GPHN: variants seen among roughly 807,000 people sequenced by gnomAD.
The protein encoded by GPHN is gephyrin.
In GPHN, 17 loss-of-function variants were observed where a neutral mutation model predicts 95.5. That is an observed-to-expected ratio of 0.18 (90% CI 0.12 to 0.27). The LOEUF is 0.27. GPHN is among the 10% of genes least tolerant of loss of function. GPHN has a pLI of 1.00. For synonymous variants in GPHN, 320 were observed against 322.5 expected (o/e 0.99, Z 0.08); for missense variants, 660 against 978.1 (o/e 0.67, Z 4.34).
intron 1 of GPHN, chr14:66,509,433 T>C (rs2057945492): frequency 6.6e-6 from 1 of 152,116 alleles, no homozygotes; most frequent in South Asian, 2.1e-4. Flanking sequence ...GGGTCGCGTT[T>C]CCCTCCCTCG....
chr14:67,514,520 C>T, the GPHN span, among the ~76,000 whole-genome samples: 2 of 152,118 alleles, frequency 1.3e-5, no homozygotes, highest in African/African-American at 4.8e-5. Flanking sequence ...TGGGGTCCAT[C>T]ACCCAGTTTT....
At chr14:67,580,319 AG>A in the GPHN span, 1 of 169,960 alleles carries the variant, frequency 5.9e-6, no homozygotes, top group South Asian at 1.6e-4. Context: ...ACACTTTTAA[AG>A]AGGCAGGTCC....
chr14:67,287,205 C>T, the GPHN span, among the ~76,000 whole-genome samples: 7 of 151,646 alleles, frequency 4.6e-5, no homozygotes, highest in Non-Finnish European at 7.4e-5. Flanking sequence ...GGTGACAGAG[C>T]GAAACCCTAT....
At chr14:67,093,622 A>C (rs1344579516) in intron 12 of GPHN, among the ~76,000 whole-genome samples, 3 of 152,146 alleles carry the variant, frequency 2.0e-5, no homozygotes, top group Admixed American at 2.0e-4. Context: ...TCTGAAAATA[A>C]TGCCTTCTTT....
At chr14:67,083,886 C>A (rs764682273) in intron 11 of GPHN, among the ~76,000 whole-genome samples, 4 of 152,048 alleles carry the variant, frequency 2.6e-5, no homozygotes, top group Non-Finnish European at 5.9e-5. Context: ...CCTCTTTGAT[C>A]GAAGCTGGTT....
At chr14:67,461,797 G>A in the GPHN span, among the ~76,000 whole-genome samples, 1 of 152,358 alleles carries the variant, frequency 6.6e-6, no homozygotes, top group South Asian at 2.1e-4. Context: ...GAGATCCTGG[G>A]AGAACAGATT....
At chr14:66,852,519 T>G (rs2062631547) in intron 4 of GPHN, among the ~76,000 whole-genome samples, 1 of 152,210 alleles carries the variant, frequency 6.6e-6, no homozygotes, top group Admixed American at 6.5e-5. Context: ...TTAAGCAGAA[T>G]GAACTTAGTT....
chr14:66,869,583 C>G (rs1358605369), intron 4 of GPHN, among the ~76,000 whole-genome samples: 2 of 152,166 alleles, frequency 1.3e-5, no homozygotes, highest in East Asian at 3.9e-4. Flanking sequence ...CATCTGGGTT[C>G]TTGCTCTCCA....
At chr14:66,956,068 T>C (rs961619266) in intron 8 of GPHN, among the ~76,000 whole-genome samples, 19 of 152,246 alleles carry the variant, frequency 1.2e-4, no homozygotes, top group African/African-American at 4.6e-4. Context: ...TCAATGTTTT[T>C]GTGTTCTCTA....
rs74551963 is a variant in GPHN at position 66,982,313 on chromosome 14, G to A, written c.963+16988G>A. 3.2e-3 allele frequency among the ~76,000 whole-genome samples: 485 copies of A among 152,010 alleles called. 2 individuals carry two copies. The highest frequency in any genetic ancestry group is 0.011 in the African/African-American group (459 of 41,468). On this transcript the variant is annotated intron_variant, in intron 9 of 22. Transcript: ENST00000478722. ...CATCACATATTAGTTTAGGATCCAG[G>A]CAATTTCTTTTGTTGCATAATATTA...
chr14:66,664,942 C>T (rs995363195), intron 1 of GPHN, among the ~76,000 whole-genome samples: 44 of 142,802 alleles, frequency 3.1e-4, no homozygotes, highest in African/African-American at 1.1e-3. Flanking sequence ...CCTGAACAGA[C>T]CAATAACAAG....
chr14:67,716,873 G>T, the GPHN span, among the ~76,000 whole-genome samples: 1 of 144,004 alleles, frequency 6.9e-6, no homozygotes. Context: ...GACAGAGTGA[G>T]TCTCTGTCAA....
chr14:67,522,439 T>C, the GPHN span, among the ~76,000 whole-genome samples: 1 of 152,182 alleles, frequency 6.6e-6, no homozygotes. Flanking sequence ...AGGAGTATTG[T>C]TGAGGCGAGC....
chr14:66,961,926 A>G (rs2068953610), intron 8 of GPHN, among the ~76,000 whole-genome samples: 1 of 79,050 alleles, frequency 1.3e-5, no homozygotes, highest in South Asian at 5.0e-4. Flanking sequence ...ATATATATAT[A>G]TATATATATA....
the GPHN span, among the ~76,000 whole-genome samples, chr14:67,489,775 G>A: frequency 7.2e-5 from 11 of 152,286 alleles, no homozygotes; most frequent in African/African-American, 2.4e-4. Context: ...CGGATCACGA[G>A]GTCAGGAGAT....
At chr14:67,582,208 C>A in the GPHN span, 1 of 1,613,690 alleles carries the variant, frequency 6.2e-7, no homozygotes, top group East Asian at 2.2e-5. This position sits in a 1 kb window ranked among gnomAD's most constrained non-coding sequence, Gnocchi z 5.0. Context: ...CCTGATGGCC[C>A]AGGTAAGGTT....
chr14:66,813,429 G>T (rs1006256937), intron 3 of GPHN, among the ~76,000 whole-genome samples: 2 of 152,166 alleles, frequency 1.3e-5, no homozygotes, highest in African/African-American at 4.8e-5. Context: ...AGCTGGGAAC[G>T]CTGCATGGAC....
the GPHN span, among the ~76,000 whole-genome samples, chr14:67,211,794 T>C: frequency 1.3e-5 from 2 of 152,012 alleles, no homozygotes; most frequent in South Asian, 4.2e-4. Context: ...TTGGTGAGCA[T>C]GATCAAGCCA....
intron 9 of GPHN, 93 bp downstream of exon 9, chr14:66,965,418 G>A (rs986463182): frequency 6.2e-6 from 7 of 1,131,870 alleles, no homozygotes; most frequent in African/African-American, 1.5e-5. Flanking sequence ...AGGTTGGATT[G>A]CATGCAAGAT....
Sources: allele counts gnomAD v4.1 joint callset (sites outside exome capture counted in the v4.1 genomes callset), GRCh38; gene constraint gnomAD v4.1.1; non-coding constraint Gnocchi (gnomAD v3.1); transcripts MANE v1.5; gene names NCBI Gene and HGNC (gene_info 2026-07-23, HGNC 2026-07-21).